Variants in LMTK3 observed in about 807,000 individuals in gnomAD.
The protein encoded by LMTK3 is lemur tail kinase 3.
A neutral mutation model predicts 116.7 loss-of-function variants in LMTK3; 27 were observed. The ratio of observed to expected loss-of-function variants is 0.23; its 90% CI spans 0.17 to 0.32. LMTK3 has a LOEUF of 0.32. LMTK3 is among the 10% of genes least tolerant of loss of function. The pLI, the probability that LMTK3 is intolerant of heterozygous loss-of-function variation, is 1.00. For synonymous variants in LMTK3, 965 were observed against 971.0 expected (o/e 0.99, Z 0.11); for missense variants, 1,764 against 2,068.5 (o/e 0.85, Z 2.86).
chr19:48,500,743 C>G lies in LMTK3; in HGVS notation c.1151+253G>C, dbSNP rs1421305779. On this transcript the variant is annotated intron_variant, in intron 10 of 14. Coordinates refer to ENST00000600059, the MANE Select transcript of LMTK3 (RefSeq NM_001388485.1). The surrounding 1 kb of genome is among the most constrained non-coding windows in gnomAD (Gnocchi z 4.0). ...GTGGTGTCCCTGTTTGCGCTGTGAG[C>G]TCTGGAATCAGACAGGTAAGAAGCA... is the stretch of plus-strand genomic sequence containing the variant. Among the ~76,000 whole-genome samples the G allele has an allele frequency of 1.3e-5, 2 of 152,148 alleles. No homozygotes were observed. Among genetic ancestry groups the G allele is most frequent in the Admixed American group, 6.5e-5 (1 of 15,274 alleles).
rs1471918324 is a variant in LMTK3, at chr19:48,491,452, G to A, written c.4180C>T (p.His1394Tyr). Residue 1394 changes from histidine (H) to tyrosine (Y), a missense_variant, in exon 13 of 15, where the codon CAC becomes TAC. By Grantham distance (83) the His-to-Tyr change is moderately conservative. This residue lies in a region of LMTK3 where 281 missense variants were observed against 301.4 expected (regional missense o/e 0.93). Transcript: ENST00000600059. This position sits in a 1 kb window ranked among gnomAD's most constrained non-coding sequence, Gnocchi z 5.1. ...STPPAPPTPP[H>Y]PATPGDGFPS... ...AACCCATCTCCGGGGGTGGCGGGGT[G>A]GGGAGGTGTCGGGGGCGCTGGAGGC... The A allele has an allele frequency of 3.5e-6, 5 of 1,427,964 alleles. No homozygotes were observed. The highest frequency in any genetic ancestry group is 3.7e-6 in the Non-Finnish European group (4 of 1,090,114). The allele number at this position is 1,427,964 out of a possible 1,614,324, so 88.5% of individuals were successfully genotyped here.
Position 48,511,831 on chromosome 19 carries a change from G to A in LMTK3, c.-255C>T, listed in dbSNP as rs1177972229. ...GAGATGCTGGGGAGCCGGGGTTGCT[G>A]GGGTGGGGGGGAGAGGGTAGGATGG... On this transcript the variant is annotated 5_prime_UTR_variant, in exon 1 of 15. Coordinates refer to ENST00000600059, the MANE Select transcript of LMTK3 (RefSeq NM_001388485.1). 1.6e-5 allele frequency: 4 copies of A among 245,310 alleles called. No homozygotes were observed. The highest frequency in any genetic ancestry group is 2.3e-5 in the Non-Finnish European group (3 of 131,096). The allele number at this position is 245,310 out of a possible 1,614,324, so 15.2% of individuals were successfully genotyped here.
chr19:48,509,134 C>T (rs1972616024), intron 4 of LMTK3, among the ~76,000 whole-genome samples, 165 bp from the exon 5 acceptor site: 1 of 152,172 alleles, frequency 6.6e-6, no homozygotes, highest in African/African-American at 2.4e-5. Flanking sequence ...GAGACACTCA[C>T]GGGCCCAGAA....
chr19:48,493,907 C>A lies in LMTK3; in HGVS notation c.3879G>T (p.Ala1293=). The A allele has an allele frequency of 1.9e-6, 2 of 1,030,288 alleles. No homozygotes were observed. Among genetic ancestry groups the A allele is most frequent in the Non-Finnish European group, 2.3e-6 (2 of 862,864 alleles). 63.8% of individuals were successfully genotyped at this position (1,030,288 alleles called of 1,614,324 possible). ...CCCGCGGCCCCGCCGCCGCGCCCGGCGCCGCCGCCTCCTCGTCCTCCTCCT... is the reference window on the plus strand; with the variant it reads ...CCCGCGGCCCCGCCGCCGCGCCCGGAGCCGCCGCCTCCTCGTCCTCCTCCT... ...EDEEEDEEAA[A]PGAAAGPRGP... The change falls in exon 12 of 15, where the codon GCG becomes GCT. Residue 1293 remains alanine, a synonymous_variant. Transcript: ENST00000600059.
intron 5 of LMTK3, among the ~76,000 whole-genome samples, chr19:48,504,445 A>G (rs1282066525): frequency 2.0e-5 from 3 of 152,124 alleles, no homozygotes; most frequent in African/African-American, 7.2e-5. Context: ...AGCGATAACA[A>G]CTTCCTCTGA....
chr19:48,510,999 A>G (rs1299048897), intron 1 of LMTK3, among the ~76,000 whole-genome samples: 2 of 152,144 alleles, frequency 1.3e-5, no homozygotes, highest in Non-Finnish European at 2.9e-5. Flanking sequence ...GCAGGCTGGG[A>G]GAAGATTCTT....
chr19:48,499,193 C>T lies in LMTK3; in HGVS notation c.1876G>A (p.Ala626Thr), dbSNP rs751972266. ...GAGETLAGDPAEVLGERGTAP... is the reference protein window; with the variant it reads ...GAGETLAGDPTEVLGERGTAP... Reference sequence around the variant, plus strand: ...GTCCCCCGCTCCCCCAAGACCTCGGCAGGGTCTCCCGCCAGGGTCTCCCCG... The same window carrying T: ...GTCCCCCGCTCCCCCAAGACCTCGGTAGGGTCTCCCGCCAGGGTCTCCCCG... The change falls in exon 11 of 15, where the codon GCC becomes ACC. Residue 626 changes from alanine (A) to threonine (T), a missense_variant. Transcript: ENST00000600059. The T allele has an allele frequency of 4.1e-6, 6 of 1,453,746 alleles. No individual in the cohort carries two copies. The East Asian group carries it at 7.7e-5, about 19-fold the overall frequency. The allele number at this position is 1,453,746 out of a possible 1,614,324, so 90.1% of individuals were successfully genotyped here.
chr19:48,511,640 C>G lies in LMTK3; in HGVS notation c.-64G>C. 1.6e-6 allele frequency: 1 copy of G among 617,250 alleles called. No homozygotes were observed. Among genetic ancestry groups the G allele is most frequent in the Admixed American group, 3.6e-5 (1 of 27,572 alleles). 38.2% of individuals were successfully genotyped at this position (617,250 alleles called of 1,614,324 possible). A position where few individuals can be genotyped will look rare whatever the true frequency, so the allele number is the denominator to read the frequency against. On this transcript the variant is annotated 5_prime_UTR_variant, in exon 1 of 15. The change abolishes the stop of an existing upstream ORF in the 5' untranslated region. Coordinates refer to ENST00000600059, the MANE Select transcript of LMTK3 (RefSeq NM_001388485.1). ...TGGGGAGGAGGGGGGGGCGGGCCCT[C>G]AGCCCCCAGCCATGGGGACCCGCGC...
chr19:48,508,056 C>T (rs1186704581), intron 5 of LMTK3, among the ~76,000 whole-genome samples: 4 of 151,974 alleles, frequency 2.6e-5, no homozygotes, highest in Admixed American at 6.6e-5. Context: ...TAGCAAGGTC[C>T]GATGCGCTGC....
intron 11 of LMTK3, among the ~76,000 whole-genome samples, chr19:48,496,615 A>T (rs1236743100): frequency 1.2e-4 from 18 of 151,970 alleles, no homozygotes. Flanking sequence ...TGCCTGGCTA[A>T]CTTTTGTATT....
At chr19:48,490,069 T>A (rs1972196072) in intron 14 of LMTK3, among the ~76,000 whole-genome samples, 1 of 152,118 alleles carries the variant, frequency 6.6e-6, no homozygotes, top group South Asian at 2.1e-4. Context: ...TCTCCCAAGG[T>A]GGCCACGAGG....
At position 48,497,732 on chromosome 19, in the gene LMTK3, C is replaced by A; in HGVS notation, c.3337G>T (p.Gly1113Cys). 1 of 1,340,152 alleles carries A rather than the reference C, an allele frequency of 7.5e-7. No homozygotes were observed. Among genetic ancestry groups the A allele is most frequent in the Non-Finnish European group, 9.5e-7 (1 of 1,050,696 alleles). 83.0% of individuals were successfully genotyped at this position (1,340,152 alleles called of 1,614,324 possible). A position where few individuals can be genotyped will look rare whatever the true frequency, so the allele number is the denominator to read the frequency against. The change falls in exon 11 of 15, where the codon GGC (glycine) becomes TGC (cysteine). Residue 1113 changes from glycine (G) to cysteine (C), a missense_variant. Around this residue, in one of 7 missense-constraint regions of LMTK3, gnomAD observed 1,028 missense variants for 1,050.6 expected, o/e 0.98. Coordinates refer to ENST00000600059, the MANE Select transcript of LMTK3 (RefSeq NM_001388485.1). This position sits in a 1 kb window ranked among gnomAD's most constrained non-coding sequence, Gnocchi z 5.7. ...GAGRLDLGSG[G>C]RAPVGTGTAP... ...GTCCCCGTGCCCACTGGGGCTCGGC[C>A]CCCACTCCCGAGGTCCAGCCTCCCA...
intron 14 of LMTK3, 59 bp from the exon 15 acceptor site, chr19:48,485,848 T>G: frequency 6.5e-7 from 1 of 1,538,142 alleles, no homozygotes; most frequent in East Asian, 2.3e-5. Context: ...CCTCATGGCT[T>G]CTAGGTCACT....
chr19:48,499,229 C>G lies in LMTK3; in HGVS notation c.1840G>C (p.Gly614Arg). Residue 614 changes from glycine to arginine, a missense_variant, in exon 11 of 15, where the codon GGC becomes CGC. By Grantham distance (125) the Gly-to-Arg change is moderately radical. This residue lies in a region of LMTK3 where 1,028 missense variants were observed against 1,050.6 expected (regional missense o/e 0.98). Transcript: ENST00000600059. ...GCCAGGGTCTCCCCGGCGCCCCGGC[C>G]CTCGGGGTCCCAGCCGCTCAGCAGG... Reference protein sequence around the residue: ...SFLLSGWDPEGRGAGETLAGD... With the variant: ...SFLLSGWDPERRGAGETLAGD... 7.2e-7 allele frequency: 1 copy of G among 1,382,144 alleles called. No homozygotes were observed. Among genetic ancestry groups the G allele is most frequent in the Non-Finnish European group, 9.4e-7 (1 of 1,063,226 alleles). The allele number at this position is 1,382,144 out of a possible 1,614,324, so 85.6% of individuals were successfully genotyped here.
Position 48,510,193 on chromosome 19 carries a change from A to G in LMTK3, c.211-20T>C. On this transcript the variant is annotated intron_variant, in intron 2 of 14. Coordinates refer to ENST00000600059, the MANE Select transcript of LMTK3 (RefSeq NM_001388485.1). ...AAATTCCTGGGGCCAGGAGAGGAGAAGAGGGGTGGGAGAACGCAGGGCTGA... is the reference window on the plus strand; with the variant it reads ...AAATTCCTGGGGCCAGGAGAGGAGAGGAGGGGTGGGAGAACGCAGGGCTGA... The G allele has an allele frequency of 1.9e-6, 3 of 1,605,470 alleles. No homozygotes were observed. The highest frequency in any genetic ancestry group is 2.6e-6 in the Non-Finnish European group (3 of 1,173,096).
In LMTK3 at chr19:48,500,953, T is replaced by C; in HGVS notation, c.1151+43A>G. Reference sequence around the variant, plus strand: ...GGGGGGATGCTGGGACCATCCTGGGTGGGGTGCGGCAGGCCAGGAGCCCCG... The same window carrying C: ...GGGGGGATGCTGGGACCATCCTGGGCGGGGTGCGGCAGGCCAGGAGCCCCG... On this transcript the variant is annotated intron_variant, in intron 10 of 14. Coordinates refer to ENST00000600059, the MANE Select transcript of LMTK3 (RefSeq NM_001388485.1). This position sits in a 1 kb window ranked among gnomAD's most constrained non-coding sequence, Gnocchi z 4.0. 1 of 1,464,140 alleles carries C rather than the reference T, an allele frequency of 6.8e-7. No homozygotes were observed. Among genetic ancestry groups the C allele is most frequent in the South Asian group, 1.4e-5 (1 of 69,022 alleles). The allele number at this position is 1,464,140 out of a possible 1,614,324, so 90.7% of individuals were successfully genotyped here. A position where few individuals can be genotyped will look rare whatever the true frequency, so the allele number is the denominator to read the frequency against.
In LMTK3 at chr19:48,498,332, C is replaced by T. The variant is rs776969963; in HGVS notation, c.2737G>A (p.Gly913Arg). The T allele has an allele frequency of 1.9e-6, 3 of 1,613,260 alleles. No individual in the cohort carries two copies. The highest frequency in any genetic ancestry group is 2.2e-5 in the East Asian group (1 of 44,850). ...LNRDPTVLGNGKQAPSLSLPV... is the reference protein window; with the variant it reads ...LNRDPTVLGNRKQAPSLSLPV... ...AGGCTCAGGCTTGGGGCTTGTTTCC[C>T]GTTGCCCAGGACTGTCGGGTCCCTG... is the stretch of plus-strand genomic sequence containing the variant. Residue 913 changes from glycine to arginine, a missense_variant, in exon 11 of 15, where the codon GGG becomes AGG. Transcript: ENST00000600059.
In LMTK3 at chr19:48,511,714, G is replaced by A; in HGVS notation, c.-138C>T. 2.2e-6 allele frequency: 1 copy of A among 446,204 alleles called. No individual in the cohort carries two copies. Among genetic ancestry groups the A allele is most frequent in the East Asian group, 3.5e-5 (1 of 28,184 alleles). 27.6% of individuals were successfully genotyped at this position (446,204 alleles called of 1,614,324 possible). ...GGAGAGGGGCAGGAGACGCAGGACA[G>A]GGGGAGGGAGGGGCTGCTTGCTGGC... On this transcript the variant is annotated 5_prime_UTR_variant, in exon 1 of 15. Transcript: ENST00000600059.
chr19:48,503,829 T>TC (rs1972516826), intron 5 of LMTK3, among the ~76,000 whole-genome samples: 2 of 150,958 alleles, frequency 1.3e-5, no homozygotes, highest in African/African-American at 4.9e-5. Context: ...CTTCCTTGCT[T>TC]CCTCCCTCCC....
Sources: gnomAD v4.1 joint callset for allele counts (sites outside exome capture counted in the v4.1 genomes callset) on GRCh38, gnomAD v4.1.1 for gene constraint, gnomAD v4.1.1 regional missense constraint, Gnocchi (gnomAD v3.1) non-coding constraint, MANE v1.5 for transcripts, NCBI Gene and HGNC (gene_info 2026-07-23, HGNC 2026-07-21) for gene names.